The following DNER variants were observed in gnomAD, a reference collection of about 807,000 sequenced individuals.
The protein encoded by DNER is delta and Notch-like epidermal growth factor-related receptor.
A neutral mutation model predicts 78.2 loss-of-function variants in DNER; 33 were observed. The observed-to-expected ratio is 0.42, with a 90% CI of 0.32 to 0.56. The LOEUF is 0.56. Ranked by LOEUF, DNER falls within the 20% of genes least tolerant of loss-of-function variation. DNER has a pLI of 0.11. For synonymous variants in DNER, 417 were observed against 384.8 expected, an observed-to-expected ratio of 1.08 and a Z score of -0.98; for missense variants, 918 against 975.3, an observed-to-expected ratio of 0.94 and a Z score of 0.78.
intron 5 of DNER, among the ~76,000 whole-genome samples, chr2:229,531,334 G>A (rs10168012): frequency 0.026 from 3,920 of 152,228 alleles, 171 homozygotes; most frequent in African/African-American, 0.089. Context: ...GCATATGGTT[G>A]GAATTCAGTT....
At chr2:229,522,920 G>A (rs1465316368) in intron 5 of DNER, among the ~76,000 whole-genome samples, 3 of 152,200 alleles carry the variant, frequency 2.0e-5, no homozygotes, top group Non-Finnish European at 1.5e-5. Context: ...TGTTACCAAT[G>A]AGGAAACAAA....
At chr2:229,700,303 T>TGTGTGTGTGTGTGA (rs369466908) in intron 1 of DNER, among the ~76,000 whole-genome samples, 55,092 of 149,538 alleles carry the variant, frequency 0.37, 11,712 homozygotes, top group Middle Eastern at 0.5. Context: ...TGTGTGTGTG[T>TGTGTGTGTGTGTGA]GTGTGTGTGT....
chr2:229,450,997 A>C (rs1476324048), intron 7 of DNER, among the ~76,000 whole-genome samples: 1 of 152,244 alleles, frequency 6.6e-6, no homozygotes, highest in Non-Finnish European at 1.5e-5. Flanking sequence ...CTGAGTGACC[A>C]TGGCAAGGCC....
At chr2:229,442,495 A>G (rs994713067) in intron 8 of DNER, among the ~76,000 whole-genome samples, 7 of 140,160 alleles carry the variant, frequency 5.0e-5, no homozygotes, top group African/African-American at 2.0e-4. Flanking sequence ...AGCCTGGGCG[A>G]CAGAGCAACG....
intron 7 of DNER, among the ~76,000 whole-genome samples, chr2:229,465,792 C>T (rs1013317148): frequency 8.5e-5 from 13 of 152,048 alleles, no homozygotes; most frequent in Admixed American, 2.0e-4. Flanking sequence ...AGCAGAGATT[C>T]GAAAGGCAGG....
chr2:229,621,453 C>T (rs1559185525), intron 1 of DNER, among the ~76,000 whole-genome samples: 1 of 152,160 alleles, frequency 6.6e-6, no homozygotes, highest in Non-Finnish European at 1.5e-5. Context: ...CCACACTTCC[C>T]ACCTGCTCCC....
intron 12 of DNER, 47 bp downstream of exon 12, chr2:229,366,825 GA>G: frequency 6.2e-7 from 1 of 1,609,462 alleles, no homozygotes; most frequent in Non-Finnish European, 8.5e-7. Flanking sequence ...CTGTTCCCAA[GA>G]ATGCACATGT....
At chr2:229,600,835 G>A (rs545886235) in intron 1 of DNER, among the ~76,000 whole-genome samples, 5 of 152,204 alleles carry the variant, frequency 3.3e-5, no homozygotes, top group Admixed American at 6.5e-5. Flanking sequence ...CATGGAAGAC[G>A]ATGGATGGGG....
At chr2:229,466,227 C>T (rs1309474251) in intron 7 of DNER, among the ~76,000 whole-genome samples, 1 of 152,056 alleles carries the variant, frequency 6.6e-6, no homozygotes, top group East Asian at 1.9e-4. Context: ...CTACCTGAGC[C>T]GACTCCTACT....
intron 7 of DNER, among the ~76,000 whole-genome samples, chr2:229,476,597 CA>C (rs1330770602): frequency 1.3e-5 from 2 of 152,076 alleles, no homozygotes; most frequent in African/African-American, 4.8e-5. Context: ...GAAATGGGAA[CA>C]AAACTTCCTC....
At chr2:229,610,206 G>A (rs1274767555) in intron 1 of DNER, among the ~76,000 whole-genome samples, 5 of 152,164 alleles carry the variant, frequency 3.3e-5, no homozygotes, top group Non-Finnish European at 7.4e-5. Context: ...GGAAGGATGA[G>A]TGTCCTTTAT....
At chr2:229,672,391 G>A (rs1214070053) in intron 1 of DNER, among the ~76,000 whole-genome samples, 1 of 151,976 alleles carries the variant, frequency 6.6e-6, no homozygotes, top group Non-Finnish European at 1.5e-5. Context: ...CATGGAGAGA[G>A]AGGAGGTGAA....
rs188598059 is a variant in DNER at position 229,520,023 on chromosome 2, G to A, written c.994-7087C>T. 3.6e-3 allele frequency among the ~76,000 whole-genome samples: 551 copies of A among 152,196 alleles called. 1 individual carries two copies. The highest frequency in any genetic ancestry group is 9.9e-3 in the Admixed American group (152 of 15,286). On this transcript the variant is annotated intron_variant, in intron 5 of 12. Transcript: ENST00000341772. ...CTCTTATAAGAGGTATACATAAAGC[G>A]CCTAATTGCTCCTGAACAGACTTAG... is the stretch of plus-strand genomic sequence containing the variant.
chr2:229,502,175 C>G (rs1037240937), intron 6 of DNER, among the ~76,000 whole-genome samples: 1 of 152,172 alleles, frequency 6.6e-6, no homozygotes, highest in African/African-American at 2.4e-5. Flanking sequence ...CCATATGGAG[C>G]ATGGCCCTAT....
intron 6 of DNER, 67 bp from the exon 7 acceptor site, chr2:229,477,320 A>G (rs1168828750): frequency 1.7e-6 from 2 of 1,192,458 alleles, no homozygotes; most frequent in East Asian, 4.9e-5. Flanking sequence ...CCACTCTAGG[A>G]ATTGATGGAT....
intron 1 of DNER, among the ~76,000 whole-genome samples, chr2:229,689,025 A>C (rs1699527796): frequency 6.6e-6 from 1 of 152,192 alleles, no homozygotes; most frequent in Admixed American, 6.5e-5. Flanking sequence ...CTCAGGAAAA[A>C]TAGCTAACGC....
chr2:229,468,903 C>A (rs575336345), intron 7 of DNER, among the ~76,000 whole-genome samples: 13 of 152,148 alleles, frequency 8.5e-5, no homozygotes, highest in Admixed American at 8.5e-4. Flanking sequence ...TCTGGATGAC[C>A]CCTACACCAC....
intron 7 of DNER, among the ~76,000 whole-genome samples, chr2:229,459,691 C>T (rs1446853572): frequency 6.6e-6 from 1 of 152,048 alleles, no homozygotes; most frequent in Non-Finnish European, 1.5e-5. Context: ...TGCTGCTTCT[C>T]ACAAGAGAGT....
intron 4 of DNER, among the ~76,000 whole-genome samples, chr2:229,583,589 G>A (rs1411267775): frequency 3.9e-5 from 6 of 152,148 alleles, no homozygotes; most frequent in Admixed American, 3.3e-4. Flanking sequence ...TTCTGGTAAC[G>A]TTAAGGACAT....
Sources: gnomAD v4.1 joint callset for allele counts (sites outside exome capture counted in the v4.1 genomes callset) on GRCh38, gnomAD v4.1.1 for gene constraint, MANE v1.5 for transcripts, NCBI Gene and HGNC (gene_info 2026-07-23, HGNC 2026-07-21) for gene names.